Variants in ZNF654 observed in about 807,000 individuals in gnomAD.
ZNF654 encodes the protein zinc finger protein 654, also known as melanoma-associated antigen.
ZNF654 carries 19 observed loss-of-function variants against 95.3 expected under a neutral mutation model. That is an observed-to-expected ratio of 0.20 (90% confidence interval 0.14 to 0.29). ZNF654 has a LOEUF of 0.29. ZNF654 is among the 10% of genes least tolerant of loss of function. ZNF654 has a pLI of 1.00. For synonymous variants in ZNF654, 413 were observed against 457.9 expected (o/e 0.90, Z 1.25); for missense variants, 1,046 against 1,341.0 (o/e 0.78, Z 3.44).
chr3:88,076,567 C>CTGTTT (rs373817082), intron 1 of ZNF654, among the ~76,000 whole-genome samples: 19 of 152,134 alleles, frequency 1.2e-4, no homozygotes, highest in East Asian at 3.9e-4. Flanking sequence ...AGTGCATCAT[C>CTGTTT]TGTTTTGTTT....
intron 4 of ZNF654, among the ~76,000 whole-genome samples, chr3:88,127,465 GA>G (rs1706184994): frequency 6.6e-6 from 1 of 152,052 alleles, no homozygotes; most frequent in African/African-American, 2.4e-5. Context: ...AACTAAAAGG[GA>G]GAGAGTTGTT....
chr3:88,082,564 G>C (rs1708134948), intron 1 of ZNF654, among the ~76,000 whole-genome samples: 1 of 152,198 alleles, frequency 6.6e-6, no homozygotes, highest in African/African-American at 2.4e-5. Flanking sequence ...TCTTCAAGGA[G>C]GAAAGAATAA....
At chr3:88,095,270 C>T (rs1040400089) in intron 2 of ZNF654, 1 of 170,512 alleles carries the variant, frequency 5.9e-6, no homozygotes, top group African/African-American at 2.4e-5. Context: ...GAACCAATAC[C>T]ATCTTTTCTC....
At chr3:88,106,196 T>C (rs1704727046) in intron 2 of ZNF654, among the ~76,000 whole-genome samples, 1 of 152,236 alleles carries the variant, frequency 6.6e-6, no homozygotes, top group African/African-American at 2.4e-5. Flanking sequence ...GAAGCCCATC[T>C]GTGTTTGATT....
chr3:88,059,901 C>T (rs968948243), intron 1 of ZNF654, among the ~76,000 whole-genome samples: 5 of 152,064 alleles, frequency 3.3e-5, no homozygotes, highest in African/African-American at 1.2e-4. Context: ...TTCTGCCTTC[C>T]CCTCTCCGCC....
intron 1 of ZNF654, among the ~76,000 whole-genome samples, chr3:88,083,821 A>G (rs542056742): frequency 2.0e-4 from 30 of 152,252 alleles, no homozygotes; most frequent in Non-Finnish European, 4.3e-4. Flanking sequence ...AAAAAGTGAA[A>G]GATGTGGTGC....
chr3:88,142,602 TTATC>T lies in ZNF654; in HGVS notation c.*953_*956del, dbSNP rs1707186726. On this transcript the variant is annotated 3_prime_UTR_variant, in exon 9 of 9. Coordinates refer to ENST00000636215, the MANE Select transcript of ZNF654 (RefSeq NM_001350134.2). ...AAGGTCCTTTAGACATTAATGTGAG[TTATC>T]TAAGTACAGTCCTATTAAAATAACT... 6.6e-6 allele frequency: 1 copy of T among 152,368 alleles called. No homozygotes were observed. The highest frequency in any genetic ancestry group is 2.4e-5 in the African/African-American group (1 of 41,430). The allele number at this position is 152,368 out of a possible 1,614,324, so 9.4% of individuals were successfully genotyped here. A position where few individuals can be genotyped will look rare whatever the true frequency, so the allele number is the denominator to read the frequency against.
intron 1 of ZNF654, among the ~76,000 whole-genome samples, chr3:88,069,421 C>CA (rs751424521): frequency 3.5e-4 from 52 of 150,702 alleles, no homozygotes; most frequent in African/African-American, 6.1e-4. Context: ...GACTCTGTTT[C>CA]AAAAAAAAAG....
At chr3:88,106,916 T>G (rs1479973163) in intron 2 of ZNF654, among the ~76,000 whole-genome samples, 2 of 152,222 alleles carry the variant, frequency 1.3e-5, no homozygotes, top group African/African-American at 4.8e-5. Flanking sequence ...ATACTAAATT[T>G]TCACATACTA....
At chr3:88,113,721 C>T (rs982293979) in intron 3 of ZNF654, among the ~76,000 whole-genome samples, 1 of 152,196 alleles carries the variant, frequency 6.6e-6, no homozygotes, top group South Asian at 2.1e-4. Context: ...GGGAAGCAAC[C>T]CTGACCCACT....
intron 2 of ZNF654, among the ~76,000 whole-genome samples, chr3:88,110,476 A>G (rs1425163046): frequency 2.0e-5 from 3 of 152,126 alleles, no homozygotes; most frequent in African/African-American, 4.8e-5. Flanking sequence ...TTCACCCACC[A>G]TGAAATACTG....
intron 3 of ZNF654, among the ~76,000 whole-genome samples, chr3:88,123,612 T>G (rs556320507): frequency 1.3e-5 from 2 of 152,296 alleles, no homozygotes; most frequent in South Asian, 4.1e-4. Context: ...TAAAAAGAGC[T>G]CTAAGTGTTT....
At chr3:88,141,596 G>C (rs576478011) in intron 8 of ZNF654, 49 bp from the exon 9 acceptor site, 4 of 1,384,604 alleles carry the variant, frequency 2.9e-6, no homozygotes, top group Non-Finnish European at 2.9e-6. Flanking sequence ...TTGGAATTCC[G>C]GTCGAATGTC....
chr3:88,101,221 A>G (rs1704403512), intron 2 of ZNF654, among the ~76,000 whole-genome samples: 2 of 152,102 alleles, frequency 1.3e-5, no homozygotes, highest in South Asian at 4.1e-4. Context: ...CATTACCACA[A>G]TCCAGTTTTT....
At chr3:88,137,218 AG>A (rs1369147796) in intron 7 of ZNF654, among the ~76,000 whole-genome samples, 2 of 149,976 alleles carry the variant, frequency 1.3e-5, no homozygotes, top group Non-Finnish European at 3.0e-5. Flanking sequence ...AAAAAAAAAA[AG>A]GATGTAGATA....
chr3:88,082,711 T>A (rs1391314351), intron 1 of ZNF654, among the ~76,000 whole-genome samples: 1 of 152,238 alleles, frequency 6.6e-6, no homozygotes, highest in Non-Finnish European at 1.5e-5. Context: ...GTTTTCTTTG[T>A]TACATTACAA....
chr3:88,086,979 T>A (rs1226295102), intron 2 of ZNF654, among the ~76,000 whole-genome samples: 1 of 152,194 alleles, frequency 6.6e-6, no homozygotes, highest in Non-Finnish European at 1.5e-5. Flanking sequence ...AGATGGGGTT[T>A]CACCATGTTA....
intron 1 of ZNF654, among the ~76,000 whole-genome samples, chr3:88,080,608 C>G (rs1301002816): frequency 6.6e-6 from 1 of 152,024 alleles, no homozygotes; most frequent in African/African-American, 2.4e-5. Context: ...GCTTCCAAAG[C>G]CTATACTCTT....
chr3:88,138,630 G>GT (rs1191396110), intron 7 of ZNF654, 75 bp from the exon 8 acceptor site: 3 of 899,302 alleles, frequency 3.3e-6, no homozygotes, highest in African/African-American at 3.5e-5. Context: ...TAAGAGTTGT[G>GT]TTTTTTAAAG....
Sources: allele counts gnomAD v4.1 joint callset (sites outside exome capture counted in the v4.1 genomes callset), GRCh38; gene constraint gnomAD v4.1.1; transcripts MANE v1.5; gene names NCBI Gene and HGNC (gene_info 2026-07-23, HGNC 2026-07-21).